The following SLC9C1 variants were observed in gnomAD, a reference collection of about 807,000 sequenced individuals.
The protein encoded by SLC9C1 is sodium/hydrogen exchanger 10.
SLC9C1 carries 97 observed loss-of-function variants against 140.9 expected under a neutral mutation model. The ratio of observed to expected loss-of-function variants is 0.69; its 90% CI spans 0.58 to 0.82. The LOEUF (loss-of-function observed/expected upper bound fraction) is 0.82. Ranked by LOEUF, SLC9C1 falls within the 40% of genes least tolerant of loss-of-function variation. SLC9C1 has a pLI of 0.00. For synonymous variants in SLC9C1, 440 were observed against 442.6 expected (o/e 0.99, Z 0.07); for missense variants, 1,340 against 1,389.3 (o/e 0.96, Z 0.56).
chr3:112,193,242 T>A (rs1386244904), intron 20 of SLC9C1, among the ~76,000 whole-genome samples: 3 of 152,172 alleles, frequency 2.0e-5, no homozygotes, highest in Admixed American at 2.0e-4. Flanking sequence ...TCAGCTAACC[T>A]GGGGTCTGGA....
At chr3:112,165,280 T>C (rs1202156490) in intron 26 of SLC9C1, among the ~76,000 whole-genome samples, 1 of 152,256 alleles carries the variant, frequency 6.6e-6, no homozygotes, top group Non-Finnish European at 1.5e-5. Context: ...CTCGTCAAAG[T>C]CATTCTCCAT....
intron 23 of SLC9C1, among the ~76,000 whole-genome samples, chr3:112,174,793 G>A (rs2077306470): frequency 6.6e-6 from 1 of 152,176 alleles, no homozygotes; most frequent in South Asian, 2.1e-4. Context: ...TTTCCTCCTT[G>A]AAGAAATGCT....
At chr3:112,290,094 G>A (rs1363122977) in intron 1 of SLC9C1, among the ~76,000 whole-genome samples, 1 of 152,132 alleles carries the variant, frequency 6.6e-6, no homozygotes, top group African/African-American at 2.4e-5. Flanking sequence ...AGTAATATTT[G>A]CTCTTAACAT....
At chr3:112,171,411 T>C (rs2077245478) in intron 23 of SLC9C1, among the ~76,000 whole-genome samples, 1 of 152,198 alleles carries the variant, frequency 6.6e-6, no homozygotes, top group African/African-American at 2.4e-5. Context: ...GTATATTCTT[T>C]GTAAAGTGTC....
chr3:112,176,398 C>T (rs990219309), intron 23 of SLC9C1, among the ~76,000 whole-genome samples: 1 of 152,230 alleles, frequency 6.6e-6, no homozygotes, highest in African/African-American at 2.4e-5. Context: ...CCTTCCATCC[C>T]TCTCTGTGAG....
Position 112,141,264 on chromosome 3 carries a change from T to A in SLC9C1, c.*8A>T. On this transcript the variant is annotated 3_prime_UTR_variant, in exon 29 of 29. Coordinates refer to ENST00000305815, the MANE Select transcript of SLC9C1 (RefSeq NM_183061.3). ...GCATTAATACATGCTTCGGTCTTCT[T>A]AACAGTCTTACTCTTTCCTAATAGA... The A allele has an allele frequency of 6.3e-7, 1 of 1,580,650 alleles. No homozygotes were observed. The highest frequency in any genetic ancestry group is 8.6e-7 in the Non-Finnish European group (1 of 1,165,504).
chr3:112,181,721 A>G (rs1189959446), intron 21 of SLC9C1, among the ~76,000 whole-genome samples: 2 of 152,234 alleles, frequency 1.3e-5, no homozygotes, highest in Non-Finnish European at 2.9e-5. Context: ...ATTTGGCCCC[A>G]AAACCTACTT....
intron 14 of SLC9C1, among the ~76,000 whole-genome samples, chr3:112,219,489 G>A (rs935593833): frequency 2.6e-5 from 4 of 152,152 alleles, no homozygotes; most frequent in African/African-American, 9.7e-5. Flanking sequence ...TCCAAAGTTT[G>A]CCTTCATAGG....
At chr3:112,157,292 A>G (rs1031648512) in intron 26 of SLC9C1, among the ~76,000 whole-genome samples, 1 of 151,828 alleles carries the variant, frequency 6.6e-6, no homozygotes, top group Admixed American at 6.6e-5. Context: ...TCCCCAATGT[A>G]TGTTCTTGGT....
At position 112,221,316 on chromosome 3, in the gene SLC9C1, TA is replaced by T. The variant is rs1305956522; in HGVS notation, c.1573-92del. 21 of 1,044,176 alleles carry T rather than the reference TA, an allele frequency of 2.0e-5. No individual in the cohort carries two copies. In the African/African-American group the frequency reaches 2.1e-4, roughly 10 times the overall value. 64.7% of individuals were successfully genotyped at this position (1,044,176 alleles called of 1,614,324 possible). On this transcript the variant is annotated intron_variant, in intron 13 of 28. Transcript: ENST00000305815. ...ATGGGAAAAATGTGTGATAAAGAAG[TA>T]AAAACAATCAATCTAGTCTGTTTGT...
At position 112,277,732 on chromosome 3, in the gene SLC9C1, T is replaced by C. The variant is rs145109472; in HGVS notation, c.447A>G (p.Ser149=). The C allele has an allele frequency of 1.6e-5, 26 of 1,608,414 alleles. No homozygotes were observed. In the African/African-American group the frequency reaches 2.7e-4, roughly 17 times the overall value. The change falls in exon 5 of 29, where the codon TCA becomes TCG. Residue 149 remains serine (S), a synonymous_variant. Transcript: ENST00000305815. ...TAGCAGCTGCGGTTAGCATGGGATC[T>C]GAACTCACAAGGATAGCTGAAAATA... ...WLLFSAILVS[S]DPMLTAAAIR...
intron 26 of SLC9C1, among the ~76,000 whole-genome samples, chr3:112,160,679 T>C (rs1031244988): frequency 7.9e-5 from 12 of 151,558 alleles, no homozygotes; most frequent in Admixed American, 3.3e-4. Flanking sequence ...TTGTTGGACA[T>C]TTGGGTTGGT....
At chr3:112,214,745 A>T (rs535301746) in intron 15 of SLC9C1, among the ~76,000 whole-genome samples, 3 of 152,214 alleles carry the variant, frequency 2.0e-5, no homozygotes, top group African/African-American at 7.2e-5. Flanking sequence ...GAAGTCCAGG[A>T]CCAGATGGAT....
At chr3:112,151,827 G>C in intron 28 of SLC9C1, 30 bp downstream of exon 28, 1 of 1,573,142 alleles carries the variant, frequency 6.4e-7, no homozygotes, top group Non-Finnish European at 8.7e-7. Context: ...ATGTGCTCCT[G>C]ATCCTGTTGA....
intron 23 of SLC9C1, among the ~76,000 whole-genome samples, chr3:112,173,982 G>C (rs927877810): frequency 2.6e-5 from 4 of 152,144 alleles, no homozygotes; most frequent in Non-Finnish European, 5.9e-5. Flanking sequence ...ATTCTGACTG[G>C]TGTGAGATGG....
At chr3:112,211,418 T>C (rs925790029) in intron 15 of SLC9C1, among the ~76,000 whole-genome samples, 4 of 152,324 alleles carry the variant, frequency 2.6e-5, no homozygotes, top group African/African-American at 9.6e-5. Flanking sequence ...CATCGCCTCA[T>C]CTGGGAAGTG....
intron 3 of SLC9C1, among the ~76,000 whole-genome samples, chr3:112,279,785 C>T (rs759283598): frequency 1.1e-4 from 17 of 152,174 alleles, no homozygotes; most frequent in Non-Finnish European, 2.2e-4. Flanking sequence ...AGGAAACAGG[C>T]ACAAGAAAAT....
chr3:112,264,441 C>CA, intron 8 of SLC9C1, 98 bp from the exon 9 acceptor site: 4 of 625,064 alleles, frequency 6.4e-6, no homozygotes, highest in South Asian at 9.6e-5. Context: ...TAATGATTAC[C>CA]AAAAAATGAA....
rs1335333260 is a variant in SLC9C1, at chr3:112,162,543, C to A, written c.3364+4678G>T. On this transcript the variant is annotated intron_variant, in intron 26 of 28. Transcript: ENST00000305815. Reference sequence around the variant, plus strand: ...ATTGAGATAATCATGTGGTTTTTGTCTTTGGCTCTGTTTATATGCTGGAGT... The same window carrying A: ...ATTGAGATAATCATGTGGTTTTTGTATTTGGCTCTGTTTATATGCTGGAGT... Among the ~76,000 whole-genome samples, 5 of 152,150 alleles carry A rather than the reference C, an allele frequency of 3.3e-5. No individual in the cohort carries two copies. The South Asian group carries it at 8.3e-4, about 25-fold the overall frequency.
Sources: gnomAD v4.1 joint callset for allele counts (sites outside exome capture counted in the v4.1 genomes callset) on GRCh38, gnomAD v4.1.1 for gene constraint, MANE v1.5 for transcripts, NCBI Gene and HGNC (gene_info 2026-07-23, HGNC 2026-07-21) for gene names.